Variants in KCTD8 observed in about 807,000 individuals in gnomAD.
The protein encoded by KCTD8 is BTB/POZ domain-containing protein KCTD8.
KCTD8 carries 27 observed loss-of-function variants against 31.5 expected under a neutral mutation model. The ratio of observed to expected loss-of-function variants is 0.86; its 90% CI spans 0.63 to 1.18. KCTD8 has a LOEUF of 1.18. KCTD8 is among the 50% of genes most tolerant of loss of function. The probability of loss-of-function intolerance (pLI) is 0.00; values close to 1 mark genes in which losing one functional copy is unlikely to be tolerated. For missense variants in KCTD8, 658 were observed against 647.7 expected (o/e 1.02, Z -0.17); for synonymous variants, 290 against 280.0 (o/e 1.04, Z -0.36).
chr4:44,310,134 T>C (rs764044020), intron 1 of KCTD8, among the ~76,000 whole-genome samples: 8 of 152,148 alleles, frequency 5.3e-5, no homozygotes, highest in Non-Finnish European at 1.0e-4. Flanking sequence ...CTCTGAAATA[T>C]GTGACATTTT....
At chr4:44,211,132 T>G (rs1453221572) in intron 1 of KCTD8, among the ~76,000 whole-genome samples, 2 of 152,222 alleles carry the variant, frequency 1.3e-5, no homozygotes, top group East Asian at 3.8e-4. Context: ...TTTTTTAAAA[T>G]TTTGTTACAT....
chr4:44,353,403 C>T (rs913147946), intron 1 of KCTD8, among the ~76,000 whole-genome samples: 1 of 151,918 alleles, frequency 6.6e-6, no homozygotes, highest in Non-Finnish European at 1.5e-5. Flanking sequence ...TACAAGCATA[C>T]AATGTGTAAT....
chr4:44,245,103 G>A (rs973203935), intron 1 of KCTD8, among the ~76,000 whole-genome samples: 7 of 152,146 alleles, frequency 4.6e-5, no homozygotes, highest in African/African-American at 1.4e-4. Context: ...TAACATGAGG[G>A]AAAAACAAGT....
Position 44,175,208 on chromosome 4 carries a change from T to C in KCTD8, c.1004A>G (p.Asp335Gly). Residue 335 changes from aspartate to glycine, a missense_variant, in exon 2 of 2, where the codon GAT (aspartate) becomes GGT (glycine). By Grantham distance (94) the Asp-to-Gly change is moderately conservative (BLOSUM62 -1). Transcript: ENST00000360029. ...KIVSPKQEHE[D>G]RKHDKVTDKG... The stretch of plus-strand genomic sequence containing the variant: ...ATCAGTGACTTTGTCATGTTTCCTA[T>C]CTTCATGTTCTTGTTTAGGTGATAC... 2 of 1,600,022 alleles carry C rather than the reference T, an allele frequency of 1.2e-6. No homozygotes were observed. Among genetic ancestry groups the C allele is most frequent in the Non-Finnish European group, 1.7e-6 (2 of 1,173,696 alleles).
chr4:44,359,756 T>C (rs899328196), intron 1 of KCTD8, among the ~76,000 whole-genome samples: 7 of 152,116 alleles, frequency 4.6e-5, no homozygotes, highest in Non-Finnish European at 8.8e-5. Flanking sequence ...CACAGACCAT[T>C]CTGAATAAGT....
intron 1 of KCTD8, among the ~76,000 whole-genome samples, chr4:44,347,897 C>T (rs1324897572): frequency 1.3e-5 from 2 of 152,116 alleles, no homozygotes; most frequent in Non-Finnish European, 2.9e-5. Context: ...GAAAAAATGT[C>T]ATTATTATCC....
chr4:44,238,705 T>G (rs1002275412), intron 1 of KCTD8, among the ~76,000 whole-genome samples: 5 of 152,174 alleles, frequency 3.3e-5, no homozygotes, highest in Non-Finnish European at 7.4e-5. Flanking sequence ...TATTTTCTGT[T>G]TCTCAAAAAT....
At chr4:44,225,425 T>C (rs537194203) in intron 1 of KCTD8, among the ~76,000 whole-genome samples, 2 of 152,324 alleles carry the variant, frequency 1.3e-5, no homozygotes, top group East Asian at 3.9e-4. Flanking sequence ...TTACATATTG[T>C]TTATGACTAC....
chr4:44,242,301 G>A (rs921529015), intron 1 of KCTD8, among the ~76,000 whole-genome samples: 5 of 152,288 alleles, frequency 3.3e-5, no homozygotes, highest in South Asian at 2.1e-4. Context: ...TTGATAGGCC[G>A]GGCGCGGTGG....
chr4:44,236,564 G>T (rs1371129799), intron 1 of KCTD8, among the ~76,000 whole-genome samples: 5 of 151,834 alleles, frequency 3.3e-5, no homozygotes, highest in African/African-American at 1.2e-4. Flanking sequence ...ATGTAATTTT[G>T]AAGCTTTTTA....
At chr4:44,294,152 T>G (rs774152005) in intron 1 of KCTD8, among the ~76,000 whole-genome samples, 1 of 152,120 alleles carries the variant, frequency 6.6e-6, no homozygotes, top group Non-Finnish European at 1.5e-5. Flanking sequence ...ACATGCACGT[T>G]CTCTATAAAT....
At chr4:44,439,211 G>T (rs375162366) in intron 1 of KCTD8, among the ~76,000 whole-genome samples, 97 of 152,226 alleles carry the variant, frequency 6.4e-4, no homozygotes, top group African/African-American at 2.3e-3. Context: ...CTATTCTCAA[G>T]ATTTTTGATA....
chr4:44,341,856 C>T (rs191314770), intron 1 of KCTD8, among the ~76,000 whole-genome samples: 4 of 152,254 alleles, frequency 2.6e-5, no homozygotes, highest in Non-Finnish European at 4.4e-5. Context: ...AATGGCAAAT[C>T]CTTTCCAGAA....
At chr4:44,405,920 A>T (rs1202193823) in intron 1 of KCTD8, among the ~76,000 whole-genome samples, 2 of 152,064 alleles carry the variant, frequency 1.3e-5, no homozygotes, top group Admixed American at 1.3e-4. Context: ...CAGGGAACTA[A>T]CAAGAGGAGA....
At chr4:44,199,427 C>A (rs1186302826) in intron 1 of KCTD8, among the ~76,000 whole-genome samples, 1 of 151,852 alleles carries the variant, frequency 6.6e-6, no homozygotes, top group East Asian at 1.9e-4. Flanking sequence ...TGAGTAAATT[C>A]AAAAAAACTG....
At chr4:44,386,988 C>G (rs1326039731) in intron 1 of KCTD8, among the ~76,000 whole-genome samples, 1 of 151,828 alleles carries the variant, frequency 6.6e-6, no homozygotes, top group East Asian at 1.9e-4. Flanking sequence ...CCCATCATCT[C>G]AGCCCAAAAG....
At chr4:44,386,696 C>CA (rs1297900894) in intron 1 of KCTD8, among the ~76,000 whole-genome samples, 2 of 151,384 alleles carry the variant, frequency 1.3e-5, no homozygotes, top group Non-Finnish European at 3.0e-5. Context: ...GGAAGTTCCT[C>CA]AAAAAAACTA....
intron 1 of KCTD8, among the ~76,000 whole-genome samples, chr4:44,383,873 A>G (rs1720138494): frequency 1.3e-5 from 2 of 152,068 alleles, no homozygotes; most frequent in South Asian, 4.1e-4. Context: ...CAACCAACAG[A>G]GTGAAGATAT....
intron 1 of KCTD8, 138 bp from the exon 2 acceptor site, chr4:44,175,388 C>G (rs557922198): frequency 5.4e-4 from 295 of 545,342 alleles, no homozygotes; most frequent in African/African-American, 5.2e-3. Flanking sequence ...TTGTACTAGT[C>G]TAGGTTTGTG....
Sources: gnomAD v4.1 joint callset for allele counts (sites outside exome capture counted in the v4.1 genomes callset) on GRCh38, gnomAD v4.1.1 for gene constraint, MANE v1.5 for transcripts, NCBI Gene and HGNC (gene_info 2026-07-23, HGNC 2026-07-21) for gene names.